The following GRSF1 variants were observed in gnomAD, a reference collection of about 807,000 sequenced individuals.
GRSF1 encodes G-rich RNA sequence binding factor 1.
GRSF1 carries 50 observed loss-of-function variants against 51.1 expected under a neutral mutation model. That is an observed-to-expected ratio of 0.98 (90% CI 0.78 to 1.24). The LOEUF is 1.24. Ranked by LOEUF, GRSF1 falls within the 50% of genes most tolerant of loss-of-function variation. GRSF1 has a pLI of 0.00. For missense variants in GRSF1, 700 were observed against 639.7 expected (o/e 1.09, Z -1.02); for synonymous variants, 293 against 253.3 (o/e 1.16, Z -1.49).
chr4:70,832,342 C>T lies in GRSF1; in HGVS notation c.779G>A (p.Ser260Asn), dbSNP rs562156317. ...GTCTACAATGTCTTTCTCATTGCAACTATAAGGAAGTCCTCTCAAACGAAC... is the reference window on the plus strand; with the variant it reads ...GTCTACAATGTCTTTCTCATTGCAATTATAAGGAAGTCCTCTCAAACGAAC... ...GVVRLRGLPY[S>N]CNEKDIVDFF... The change falls in exon 4 of 10, where the codon AGT (serine) becomes AAT (asparagine). Residue 260 changes from serine (S) to asparagine (N), a missense_variant. Ser to Asn is a conservative substitution (Grantham distance 46). Coordinates refer to ENST00000254799, the MANE Select transcript of GRSF1 (RefSeq NM_002092.4). The T allele has an allele frequency of 6.2e-7, 1 of 1,613,600 alleles. No homozygotes were observed. Among genetic ancestry groups the T allele is most frequent in the African/African-American group, 1.3e-5 (1 of 75,030 alleles).
rs946446433 is a variant in GRSF1, at chr4:70,839,682, A to C, written c.146T>G (p.Leu49Arg). Reference protein sequence around the residue: ...IPSGVSGRRRLLLLLGAAAAA... With the variant: ...IPSGVSGRRRRLLLLGAAAAA... ...CGCGGCGGCCCCGAGCAGCAGCAGC[A>C]GGCGGCGGCGGCCCGAGACGCCCGA... The change falls in exon 1 of 10, where the codon CTG becomes CGG. Residue 49 changes from leucine (L) to arginine (R), a missense_variant. Leu to Arg is a moderately radical substitution (Grantham distance 102). Transcript: ENST00000254799. 6.9e-7 allele frequency: 1 copy of C among 1,443,146 alleles called. No individual in the cohort carries two copies. The highest frequency in any genetic ancestry group is 9.0e-7 in the Non-Finnish European group (1 of 1,109,416). 89.4% of individuals were successfully genotyped at this position (1,443,146 alleles called of 1,614,324 possible). A position where few individuals can be genotyped will look rare whatever the true frequency, so the allele number is the denominator to read the frequency against.
At chr4:70,834,001 T>C (rs943346639) in intron 2 of GRSF1, among the ~76,000 whole-genome samples, 5 of 152,206 alleles carry the variant, frequency 3.3e-5, no homozygotes. Context: ...GGTTCATGCC[T>C]GTAATCCCAG....
chr4:70,838,805 TCCC>T, intron 1 of GRSF1: 1 of 190,482 alleles, frequency 5.2e-6, no homozygotes, highest in Non-Finnish European at 1.1e-5. Context: ...ATTCACCCCC[TCCC>T]CCCAACAGCT....
chr4:70,829,737 C>G (rs1411885312), intron 5 of GRSF1, among the ~76,000 whole-genome samples: 1 of 152,116 alleles, frequency 6.6e-6, no homozygotes, highest in African/African-American at 2.4e-5. Context: ...CCCAGAAGGT[C>G]AAGGCTGAAA....
chr4:70,827,093 GCCTGGC>G (rs1733765689), intron 6 of GRSF1, among the ~76,000 whole-genome samples: 1 of 152,042 alleles, frequency 6.6e-6, no homozygotes, highest in South Asian at 2.1e-4. Flanking sequence ...TTCAACGCCA[GCCTGGC>G]CAACACGGGG....
Position 70,824,539 on chromosome 4 carries a change from C to T in GRSF1, c.1394-171G>A, listed in dbSNP as rs529649418. Reference sequence around the variant, plus strand: ...GCTCACGCCTATTGTAATCCCAGTACTTTGGGAAGCCGAAGTGGGAGGATC... The same window carrying T: ...GCTCACGCCTATTGTAATCCCAGTATTTTGGGAAGCCGAAGTGGGAGGATC... On this transcript the variant is annotated intron_variant, in intron 8 of 9. Transcript: ENST00000254799. Among the ~76,000 whole-genome samples, 107 of 152,202 alleles carry T rather than the reference C, an allele frequency of 7.0e-4. No homozygotes were observed. The South Asian group carries it at 7.7e-3, about 11-fold the overall frequency.
Position 70,827,852 on chromosome 4 carries a change from C to G in GRSF1, c.1135G>C (p.Glu379Gln). ...MTAFESEKEIELPKEVPEKLP... is the reference protein window; with the variant it reads ...MTAFESEKEIQLPKEVPEKLP... ...GTCTCAAGAAGAGGCAGGACCTTACCTATTTCCTTCTCACTTTCAAAAGCT... is the reference window on the plus strand; with the variant it reads ...GTCTCAAGAAGAGGCAGGACCTTACGTATTTCCTTCTCACTTTCAAAAGCT... The change falls in exon 6 of 10, where the codon GAA becomes CAA. Residue 379 changes from glutamate (E) to glutamine (Q), a missense_variant and splice_region_variant. Transcript: ENST00000254799. The G allele has an allele frequency of 6.2e-7, 1 of 1,602,944 alleles. No individual in the cohort carries two copies.
intron 4 of GRSF1, 124 bp downstream of exon 4, chr4:70,832,183 T>C: frequency 1.7e-6 from 1 of 572,922 alleles, no homozygotes; most frequent in South Asian, 4.7e-5. Flanking sequence ...AGTGAAGAGC[T>C]CTCCCCTAAA....
chr4:70,833,299 T>C, intron 2 of GRSF1, 26 bp from the exon 3 acceptor site: 1 of 1,603,068 alleles, frequency 6.2e-7, no homozygotes. Context: ...CAAAATCAAT[T>C]GAAAACAGAA....
upstream of GRSF1, chr4:70,840,026 C>T (rs911554435): frequency 5.5e-5 from 28 of 508,548 alleles, no homozygotes; most frequent in African/African-American, 5.3e-4. Context: ...GGCGGGGCTG[C>T]CCATGGTTTG....
intron 9 of GRSF1, 99 bp downstream of exon 9, chr4:70,824,195 C>A (rs1733640943): frequency 1.9e-6 from 1 of 533,312 alleles, no homozygotes; most frequent in Non-Finnish European, 3.6e-6. Context: ...GGCTTGAACT[C>A]CTGACCTCAG....
chr4:70,839,314 A>G (rs1255935013), intron 1 of GRSF1, 157 bp downstream of exon 1: 1 of 1,501,260 alleles, frequency 6.7e-7, no homozygotes. Context: ...TCCAGGGCCC[A>G]ATAGGAGCAC....
chr4:70,842,583 T>G (rs1451893508), upstream of GRSF1, among the ~76,000 whole-genome samples: 1 of 152,066 alleles, frequency 6.6e-6, no homozygotes, highest in Non-Finnish European at 1.5e-5. Context: ...ATTACAAGCA[T>G]GAACCACCAC....
intron 9 of GRSF1, among the ~76,000 whole-genome samples, chr4:70,821,814 T>C (rs1733520923): frequency 6.6e-6 from 1 of 151,812 alleles, no homozygotes; most frequent in African/African-American, 2.4e-5. Flanking sequence ...TAGCTGGAAC[T>C]ACAGACATGC....
At chr4:70,840,001 C>T (rs2148849914), upstream of GRSF1, 1 of 555,166 alleles carries the variant, frequency 1.8e-6, no homozygotes, top group Admixed American at 4.2e-5. Flanking sequence ...ACGCTCCGCC[C>T]AGTCTCCGCC....
chr4:70,835,389 C>T (rs1734159131), intron 2 of GRSF1, among the ~76,000 whole-genome samples: 1 of 147,488 alleles, frequency 6.8e-6, no homozygotes, highest in African/African-American at 2.5e-5. Flanking sequence ...GAGATCATGC[C>T]ACTGCACTCC....
intron 1 of GRSF1, chr4:70,839,019 C>T: frequency 4.6e-6 from 3 of 650,586 alleles, no homozygotes; most frequent in Non-Finnish European, 6.8e-6. Flanking sequence ...TTCCCAGCAG[C>T]GGCCGACCGA....
chr4:70,831,716 T>A, intron 4 of GRSF1, 42 bp from the exon 5 acceptor site: 1 of 1,556,062 alleles, frequency 6.4e-7, no homozygotes, highest in South Asian at 1.2e-5. Flanking sequence ...CAGGCTTTTT[T>A]ATCCTTAGAA....
intron 6 of GRSF1, among the ~76,000 whole-genome samples, chr4:70,827,535 A>T (rs1172694323): frequency 2.0e-5 from 3 of 152,160 alleles, no homozygotes; most frequent in South Asian, 2.1e-4. Flanking sequence ...CTGTAATCCC[A>T]GCACTTTAGG....
Sources: gnomAD v4.1 joint callset for allele counts (sites outside exome capture counted in the v4.1 genomes callset) on GRCh38, gnomAD v4.1.1 for gene constraint, MANE v1.5 for transcripts, NCBI Gene and HGNC (gene_info 2026-07-23, HGNC 2026-07-21) for gene names.